GPC5: variants seen among roughly 807,000 people sequenced by gnomAD.
GPC5 encodes the protein glypican 5, also known as glypican-5.
In GPC5, 47 loss-of-function variants were observed where a neutral mutation model predicts 53.9. The observed-to-expected ratio is 0.87, with a 90% CI of 0.69 to 1.11. The LOEUF (loss-of-function observed/expected upper bound fraction) is 1.11, where lower values mean the gene tolerates loss of function less well. Ranked by LOEUF, GPC5 falls within the 50% of genes most tolerant of loss-of-function variation. GPC5 has a pLI of 0.00. For missense variants in GPC5, 748 were observed against 713.1 expected, an observed-to-expected ratio of 1.05 and a Z score of -0.56; for synonymous variants, 286 against 263.3, an observed-to-expected ratio of 1.09 and a Z score of -0.84.
At chr13:91,670,197 C>T (rs2035212420) in intron 2 of GPC5, among the ~76,000 whole-genome samples, 1 of 152,150 alleles carries the variant, frequency 6.6e-6, no homozygotes, top group African/African-American at 2.4e-5. Context: ...TGCCAGGATA[C>T]AATTTTCCTT....
At chr13:92,496,314 T>C (rs771267433) in intron 7 of GPC5, among the ~76,000 whole-genome samples, 28 of 152,194 alleles carry the variant, frequency 1.8e-4, no homozygotes, top group Non-Finnish European at 3.4e-4. Flanking sequence ...AAATGGCAAA[T>C]TTTTAAATGG....
rs112438349 is a variant in GPC5 at position 91,526,892 on chromosome 13, T to G, written c.325+77970T>G. 3.3e-3 allele frequency among the ~76,000 whole-genome samples: 498 copies of G among 152,220 alleles called. 11 individuals carry two copies. The East Asian group carries it at 0.068, about 21-fold the overall frequency. On this transcript the variant is annotated intron_variant, in intron 2 of 7. Coordinates refer to ENST00000377067, the MANE Select transcript of GPC5 (RefSeq NM_004466.6). ...GAGAGCACAGGGGAAATTGACACTTTTAAATCATCAGATGTCATGAGAATT... is the reference window on the plus strand; with the variant it reads ...GAGAGCACAGGGGAAATTGACACTTGTAAATCATCAGATGTCATGAGAATT...
At chr13:92,131,976 C>G (rs2041747747) in intron 6 of GPC5, among the ~76,000 whole-genome samples, 1 of 152,056 alleles carries the variant, frequency 6.6e-6, no homozygotes, top group Non-Finnish European at 1.5e-5. Flanking sequence ...ACTTTTATTA[C>G]AATATTATTT....
At chr13:91,981,321 G>T (rs938255679) in intron 6 of GPC5, among the ~76,000 whole-genome samples, 1 of 147,748 alleles carries the variant, frequency 6.8e-6, no homozygotes, top group South Asian at 2.1e-4. Flanking sequence ...ACGGAGTCTC[G>T]CTCTGTCGCC....
In GPC5 at chr13:92,188,970, A is replaced by C. The variant is rs550400114; in HGVS notation, c.1561+43981A>C. Reference sequence around the variant, plus strand: ...AGGCAGGTACAAAACATCACAACTTACTAAAGCAGAAACTCACTTGCTGAA... The same window carrying C: ...AGGCAGGTACAAAACATCACAACTTCCTAAAGCAGAAACTCACTTGCTGAA... On this transcript the variant is annotated intron_variant, in intron 7 of 7. Transcript: ENST00000377067. 1.3e-4 allele frequency among the ~76,000 whole-genome samples: 20 copies of C among 152,312 alleles called. 1 individual carries two copies. The highest frequency in any genetic ancestry group is 6.8e-3 in the Middle Eastern group (2 of 292).
intron 7 of GPC5, among the ~76,000 whole-genome samples, chr13:92,276,238 C>T (rs992805528): frequency 3.9e-5 from 6 of 152,034 alleles, no homozygotes; most frequent in Non-Finnish European, 8.8e-5. Context: ...ATCACTGGCC[C>T]TGGGGTTTAA....
intron 7 of GPC5, among the ~76,000 whole-genome samples, chr13:92,209,068 G>A (rs117912844): frequency 0.018 from 2,724 of 152,202 alleles, 37 homozygotes; most frequent in Non-Finnish European, 0.023. Flanking sequence ...AATTAACATA[G>A]CAGAGAAACT....
chr13:91,695,050 G>A (rs1279200788), intron 3 of GPC5, among the ~76,000 whole-genome samples: 1 of 152,056 alleles, frequency 6.6e-6, no homozygotes, highest in South Asian at 2.1e-4. Flanking sequence ...AGCCTTTATG[G>A]TTCCTTTCTG....
chr13:92,036,226 A>G (rs1465857948), intron 6 of GPC5, among the ~76,000 whole-genome samples: 1 of 152,178 alleles, frequency 6.6e-6, no homozygotes. Context: ...TGAATTTGAC[A>G]TATTAATGGT....
At chr13:92,354,331 A>C (rs1187029435) in intron 7 of GPC5, among the ~76,000 whole-genome samples, 1 of 152,210 alleles carries the variant, frequency 6.6e-6, no homozygotes, top group East Asian at 1.9e-4. Context: ...AGATTCATAC[A>C]ACTTATTTTA....
At chr13:92,165,489 G>T (rs143714709) in intron 7 of GPC5, among the ~76,000 whole-genome samples, 1 of 152,118 alleles carries the variant, frequency 6.6e-6, no homozygotes, top group African/African-American at 2.4e-5. Flanking sequence ...ATGGCAGAAG[G>T]CACTTCTTCA....
At chr13:92,386,163 G>A (rs1006908115) in intron 7 of GPC5, among the ~76,000 whole-genome samples, 4 of 151,886 alleles carry the variant, frequency 2.6e-5, no homozygotes, top group African/African-American at 7.2e-5. Context: ...GCTGTAAAAA[G>A]GTATAGCATC....
chr13:92,312,852 G>C (rs1022592846), intron 7 of GPC5, among the ~76,000 whole-genome samples: 3 of 151,984 alleles, frequency 2.0e-5, no homozygotes, highest in African/African-American at 7.3e-5. Context: ...TAATACATAA[G>C]CGATTTCTGA....
intron 5 of GPC5, among the ~76,000 whole-genome samples, chr13:91,892,286 T>G: frequency 6.6e-6 from 1 of 151,878 alleles, no homozygotes; most frequent in East Asian, 1.9e-4. Flanking sequence ...TTTCAACTCT[T>G]CTTACCAAAA....
intron 7 of GPC5, among the ~76,000 whole-genome samples, chr13:92,444,031 G>C (rs541208484): frequency 1.3e-5 from 2 of 152,224 alleles, no homozygotes; most frequent in African/African-American, 4.8e-5. Context: ...TTTGTACGAT[G>C]AGTGAAAAAA....
intron 2 of GPC5, among the ~76,000 whole-genome samples, chr13:91,472,585 G>T (rs1203157579): frequency 6.6e-6 from 1 of 152,096 alleles, no homozygotes; most frequent in Non-Finnish European, 1.5e-5. Context: ...TTTTATTTGG[G>T]AACCCAATTT....
intron 5 of GPC5, among the ~76,000 whole-genome samples, chr13:91,826,932 A>G (rs1431246621): frequency 6.6e-6 from 1 of 152,000 alleles, no homozygotes; most frequent in Non-Finnish European, 1.5e-5. Context: ...GAGGCAGGAA[A>G]GGGGAGTGGG....
chr13:91,547,581 C>T (rs1317770673), intron 2 of GPC5, among the ~76,000 whole-genome samples: 3 of 152,030 alleles, frequency 2.0e-5, no homozygotes, highest in African/African-American at 7.2e-5. Flanking sequence ...GGAAAATATA[C>T]CAATTCTCTA....
chr13:92,643,297 C>G (rs373371770), intron 7 of GPC5, among the ~76,000 whole-genome samples: 1 of 152,170 alleles, frequency 6.6e-6, no homozygotes, highest in Admixed American at 6.5e-5. Context: ...GAAGTCCTTG[C>G]CCATGCCTAT....
Sources: allele counts gnomAD v4.1 joint callset (sites outside exome capture counted in the v4.1 genomes callset), GRCh38; gene constraint gnomAD v4.1.1; transcripts MANE v1.5; gene names NCBI Gene and HGNC (gene_info 2026-07-23, HGNC 2026-07-21).